The following TOP6BL variants were observed in gnomAD, a reference collection of about 807,000 sequenced individuals.
The protein encoded by TOP6BL is type 2 DNA topoisomerase 6 subunit B-like.
the TOP6BL span, chr11:66,756,387 C>A: frequency 8.5e-7 from 1 of 1,171,194 alleles, no homozygotes; most frequent in Non-Finnish European, 1.1e-6. Context: ...GGCCGGAGTG[C>A]AGTGGCGCAG....
At chr11:66,777,875 A>C in the TOP6BL span, among the ~76,000 whole-genome samples, 18 of 152,134 alleles carry the variant, frequency 1.2e-4, no homozygotes, top group Non-Finnish European at 1.6e-4. Flanking sequence ...CCATCCCCCC[A>C]AAAAAAGTTG....
At chr11:66,807,400 T>C in the TOP6BL span, among the ~76,000 whole-genome samples, 1 of 152,112 alleles carries the variant, frequency 6.6e-6, no homozygotes, top group Non-Finnish European at 1.5e-5. Flanking sequence ...GGAGAAACCC[T>C]GTCTCTATTA....
the TOP6BL span, chr11:66,816,029 T>C: frequency 5.8e-6 from 9 of 1,562,226 alleles, no homozygotes; most frequent in Admixed American, 1.7e-4. Context: ...ATCTTAGAAA[T>C]TCGTGTAATA....
the TOP6BL span, among the ~76,000 whole-genome samples, chr11:66,823,861 G>A: frequency 3.3e-5 from 5 of 152,242 alleles, no homozygotes; most frequent in African/African-American, 9.6e-5. Context: ...CTAGATCAGT[G>A]ATTCCTAATC....
chr11:66,788,209 A>G, the TOP6BL span: 1 of 1,613,994 alleles, frequency 6.2e-7, no homozygotes, highest in Middle Eastern at 1.6e-4. Context: ...CTTGGACTTC[A>G]GAGGAAGGCA....
the TOP6BL span, among the ~76,000 whole-genome samples, chr11:66,792,090 G>A: frequency 2.6e-5 from 4 of 152,098 alleles, no homozygotes; most frequent in East Asian, 1.9e-4. Context: ...GATTACAGGC[G>A]TGAGCCGCCG....
At chr11:66,752,723 G>A in the TOP6BL span, among the ~76,000 whole-genome samples, 1 of 151,982 alleles carries the variant, frequency 6.6e-6, no homozygotes, top group Non-Finnish European at 1.5e-5. Flanking sequence ...AAAGTGCTGC[G>A]ATTACAAGCA....
the TOP6BL span, among the ~76,000 whole-genome samples, chr11:66,818,047 T>G: frequency 6.6e-6 from 1 of 152,200 alleles, no homozygotes; most frequent in Admixed American, 6.5e-5. Flanking sequence ...TTGGTGCTTC[T>G]GATATGTCTC....
chr11:66,822,093 G>T, the TOP6BL span, among the ~76,000 whole-genome samples: 1 of 152,062 alleles, frequency 6.6e-6, no homozygotes, highest in Non-Finnish European at 1.5e-5. Context: ...CTGCTGTTTC[G>T]CTGTGTCTTA....
At chr11:66,762,002 G>C in the TOP6BL span, 1 of 1,563,720 alleles carries the variant, frequency 6.4e-7, no homozygotes, top group Non-Finnish European at 8.8e-7. Flanking sequence ...GTGGGATGCT[G>C]TTGTTAATAT....
At chr11:66,783,961 G>T in the TOP6BL span, among the ~76,000 whole-genome samples, 1 of 152,098 alleles carries the variant, frequency 6.6e-6, no homozygotes, top group African/African-American at 2.4e-5. Context: ...GAATAGTTGG[G>T]ACTAGAGCTG....
At chr11:66,744,840 C>CGGCGGCGGCGGCGGCGGT in the TOP6BL span, 1 of 1,329,400 alleles carries the variant, frequency 7.5e-7, no homozygotes, top group Non-Finnish European at 9.6e-7. Context: ...GCGGCGGCGG[C>CGGCGGCGGCGGCGGCGGT]GGCGGGCGGG....
At chr11:66,766,700 A>G in the TOP6BL span, among the ~76,000 whole-genome samples, 2 of 152,196 alleles carry the variant, frequency 1.3e-5, no homozygotes, top group Admixed American at 6.5e-5. Context: ...CAGCTTTTCT[A>G]CTTTCAAGAC....
the TOP6BL span, among the ~76,000 whole-genome samples, chr11:66,780,225 T>G: frequency 1.3e-5 from 2 of 152,188 alleles, no homozygotes; most frequent in African/African-American, 2.4e-5. Flanking sequence ...TTTGAGTATT[T>G]TTAAATACTC....
the TOP6BL span, among the ~76,000 whole-genome samples, chr11:66,834,121 G>A: frequency 6.6e-6 from 1 of 152,172 alleles, no homozygotes; most frequent in East Asian, 1.9e-4. Flanking sequence ...CCTAATCTGT[G>A]CCGAGATTTT....
chr11:66,788,846 G>C, the TOP6BL span, among the ~76,000 whole-genome samples: 1 of 152,164 alleles, frequency 6.6e-6, no homozygotes, highest in Non-Finnish European at 1.5e-5. Context: ...GAACTCCTGA[G>C]CTTAAGTGAT....
chr11:66,828,968 GT>G, the TOP6BL span, among the ~76,000 whole-genome samples: 8 of 129,212 alleles, frequency 6.2e-5, no homozygotes, highest in African/African-American at 2.2e-4. Context: ...GTGTGTGTGT[GT>G]TTTTTGTTTT....
chr11:66,833,993 T>C, the TOP6BL span, among the ~76,000 whole-genome samples: 1 of 152,088 alleles, frequency 6.6e-6, no homozygotes, highest in Non-Finnish European at 1.5e-5. Flanking sequence ...TCTTTTGCTA[T>C]AGTCATGGCT....
chr11:66,827,296 T>G, the TOP6BL span, among the ~76,000 whole-genome samples: 3 of 152,206 alleles, frequency 2.0e-5, no homozygotes, highest in Non-Finnish European at 4.4e-5. Flanking sequence ...GTGATCCACC[T>G]GCCTTGGCCT....
Sources: allele counts gnomAD v4.1 joint callset (sites outside exome capture counted in the v4.1 genomes callset), GRCh38; gene constraint gnomAD v4.1.1; transcripts MANE v1.5; gene names NCBI Gene and HGNC (gene_info 2026-07-23, HGNC 2026-07-21).